The following SNTB1 variants were observed in gnomAD, a reference collection of about 807,000 sequenced individuals.
The protein encoded by SNTB1 is syntrophin beta 1.
In SNTB1, 36 loss-of-function variants were observed where a neutral mutation model predicts 48.9. The ratio of observed to expected loss-of-function variants is 0.74; its 90% confidence interval spans 0.56 to 0.97. The LOEUF is 0.97. SNTB1 is among the 50% of genes least tolerant of loss of function. The pLI is 0.00. For synonymous variants in SNTB1, 299 were observed against 294.6 expected, an observed-to-expected ratio of 1.01 and a Z score of -0.15; for missense variants, 786 against 703.4, an observed-to-expected ratio of 1.12 and a Z score of -1.33.
chr8:120,738,247 A>C (rs1818981449), intron 1 of SNTB1, among the ~76,000 whole-genome samples: 1 of 152,162 alleles, frequency 6.6e-6, no homozygotes, highest in Non-Finnish European at 1.5e-5. Flanking sequence ...TGAGAAACAA[A>C]TTTTTGTTGT....
chr8:120,673,962 G>GA (rs1301629121), intron 2 of SNTB1, among the ~76,000 whole-genome samples: 5 of 152,052 alleles, frequency 3.3e-5, no homozygotes, highest in South Asian at 2.1e-4. Context: ...TGGTTATCGT[G>GA]AAAAAAACAA....
intron 3 of SNTB1, among the ~76,000 whole-genome samples, chr8:120,595,794 G>A (rs1171956604): frequency 6.6e-6 from 1 of 152,068 alleles, no homozygotes; most frequent in East Asian, 1.9e-4. Context: ...TGTTGGTCAG[G>A]CTGGTCTCGA....
At chr8:120,633,948 TGTA>T in intron 2 of SNTB1, among the ~76,000 whole-genome samples, 1 of 152,244 alleles carries the variant, frequency 6.6e-6, no homozygotes, top group South Asian at 2.1e-4. Flanking sequence ...TTTTTTCACG[TGTA>T]GATTTGTATA....
chr8:120,621,732 G>A (rs533279809), intron 3 of SNTB1, among the ~76,000 whole-genome samples: 15 of 152,208 alleles, frequency 9.9e-5, no homozygotes, highest in African/African-American at 3.4e-4. Flanking sequence ...ATGGGTCACC[G>A]TGACCAGAAA....
At chr8:120,591,397 T>G (rs946779345) in intron 3 of SNTB1, among the ~76,000 whole-genome samples, 2 of 152,180 alleles carry the variant, frequency 1.3e-5, no homozygotes, top group Admixed American at 1.3e-4. Flanking sequence ...TCTATCCATG[T>G]TAAGATCTAA....
rs773545975 is a variant in SNTB1, at chr8:120,750,861, T to C, written c.572-56953A>G. Reference sequence around the variant, plus strand: ...TATGCATTAGGAAGGAATTTAAGTATGGGGAAAAGCTCCTGCAGAATCTAA... The same window carrying C: ...TATGCATTAGGAAGGAATTTAAGTACGGGGAAAAGCTCCTGCAGAATCTAA... On this transcript the variant is annotated intron_variant, in intron 1 of 6. Transcript: ENST00000517992. 2.6e-5 allele frequency among the ~76,000 whole-genome samples: 4 copies of C among 152,198 alleles called. No individual in the cohort carries two copies. In the South Asian group the frequency reaches 6.2e-4, roughly 24 times the overall value.
At chr8:120,740,146 T>C (rs1384288368) in intron 1 of SNTB1, among the ~76,000 whole-genome samples, 7 of 152,204 alleles carry the variant, frequency 4.6e-5, no homozygotes, top group Non-Finnish European at 5.9e-5. Context: ...AGAAAAGTGA[T>C]GCACCTCTTA....
At chr8:120,778,934 C>T (rs552932745) in intron 1 of SNTB1, among the ~76,000 whole-genome samples, 7 of 152,312 alleles carry the variant, frequency 4.6e-5, no homozygotes, top group African/African-American at 1.4e-4. Flanking sequence ...GTTTGGCAGG[C>T]TCAATGCCTA....
intron 1 of SNTB1, among the ~76,000 whole-genome samples, chr8:120,755,145 TGTGTGTG>T (rs756831403): frequency 0.14 from 20,979 of 146,684 alleles, 2,154 homozygotes; most frequent in East Asian, 0.4. Context: ...TGTGGTGTTG[TGTGTGTG>T]TGTGTGTGTG....
At chr8:120,694,644 A>T (rs1251383610) in intron 1 of SNTB1, among the ~76,000 whole-genome samples, 1 of 151,620 alleles carries the variant, frequency 6.6e-6, no homozygotes, top group Non-Finnish European at 1.5e-5. Flanking sequence ...GACCTGTAAG[A>T]TCTATTATTA....
chr8:120,779,122 T>C (rs1292437422), intron 1 of SNTB1, among the ~76,000 whole-genome samples: 2 of 152,252 alleles, frequency 1.3e-5, no homozygotes, highest in Non-Finnish European at 2.9e-5. Flanking sequence ...TTCAGTCATA[T>C]CCTGATAGTC....
intron 1 of SNTB1, among the ~76,000 whole-genome samples, chr8:120,781,068 AT>A (rs1242838158): frequency 6.6e-6 from 1 of 152,168 alleles, no homozygotes; most frequent in Non-Finnish European, 1.5e-5. Context: ...CTTTGCTCAA[AT>A]TAGATCCATA....
chr8:120,811,136 C>G (rs562713726), intron 1 of SNTB1, 137 bp downstream of exon 1: 10 of 1,220,306 alleles, frequency 8.2e-6, no homozygotes, highest in Non-Finnish European at 5.5e-6. Context: ...ACCCTTCCCC[C>G]CCCCCCAACA....
chr8:120,626,826 C>T (rs1816892637), intron 3 of SNTB1, among the ~76,000 whole-genome samples: 1 of 152,172 alleles, frequency 6.6e-6, no homozygotes, highest in Non-Finnish European at 1.5e-5. Context: ...GTTTACCTTC[C>T]CTAAGTTCTT....
intron 1 of SNTB1, among the ~76,000 whole-genome samples, chr8:120,750,756 G>A (rs1819199325): frequency 2.0e-5 from 3 of 152,220 alleles, no homozygotes; most frequent in South Asian, 4.1e-4. Context: ...AAAGAGAAGA[G>A]GAAGGGACAT....
chr8:120,720,696 T>C (rs1201560436), intron 1 of SNTB1, among the ~76,000 whole-genome samples: 1 of 152,244 alleles, frequency 6.6e-6, no homozygotes, highest in Non-Finnish European at 1.5e-5. Context: ...AAATGTTTTC[T>C]ATGCAGAGGT....
chr8:120,717,329 G>T (rs575059773), intron 1 of SNTB1, among the ~76,000 whole-genome samples: 1 of 152,156 alleles, frequency 6.6e-6, no homozygotes, highest in Non-Finnish European at 1.5e-5. Context: ...CAAATGGGCC[G>T]CTGTATATTA....
chr8:120,660,560 C>A (rs1366796083), intron 2 of SNTB1, among the ~76,000 whole-genome samples: 3 of 152,218 alleles, frequency 2.0e-5, no homozygotes. Context: ...TTATCCAGCA[C>A]ACTAAAACCT....
intron 2 of SNTB1, among the ~76,000 whole-genome samples, chr8:120,643,049 G>A (rs367741012): frequency 1.1e-4 from 16 of 152,322 alleles, no homozygotes; most frequent in African/African-American, 3.1e-4. Flanking sequence ...GGGGTTGCAG[G>A]CATCTGAAGG....
Sources: allele counts gnomAD v4.1 joint callset (sites outside exome capture counted in the v4.1 genomes callset), GRCh38; gene constraint gnomAD v4.1.1; transcripts MANE v1.5; gene names NCBI Gene and HGNC (gene_info 2026-07-23, HGNC 2026-07-21).